Variants in SULF1 observed in about 807,000 individuals in gnomAD.
SULF1 encodes sulfatase 1, also known as extracellular sulfatase Sulf-1.
Under a neutral mutation model 110.5 loss-of-function variants are expected in SULF1, and 46 were observed. That is an observed-to-expected ratio of 0.42 (90% CI 0.33 to 0.53). The LOEUF is 0.53. Among genes scored for constraint, SULF1 ranks in the 20% least tolerant of loss-of-function variants. The pLI, the probability that SULF1 is intolerant of heterozygous loss-of-function variation, is 0.12. For synonymous variants in SULF1, 371 were observed against 387.1 expected (o/e 0.96, Z 0.49); for missense variants, 941 against 1,094.2 (o/e 0.86, Z 1.98).
intron 2 of SULF1, among the ~76,000 whole-genome samples, chr8:69,499,367 C>T (rs771335579): frequency 6.6e-6 from 1 of 152,142 alleles, no homozygotes; most frequent in Non-Finnish European, 1.5e-5. Context: ...CCAGATGATG[C>T]TGTTTTGCTG....
At chr8:69,638,347 G>A (rs1034506592) in intron 19 of SULF1, 155 bp from the exon 20 acceptor site, 89 of 851,934 alleles carry the variant, frequency 1.0e-4, no homozygotes, top group Middle Eastern at 3.5e-4. Context: ...CCTACGGGGG[G>A]AAAGGTATTA....
At chr8:69,529,682 C>T (rs533593712) in intron 3 of SULF1, among the ~76,000 whole-genome samples, 48 of 152,292 alleles carry the variant, frequency 3.2e-4, no homozygotes, top group African/African-American at 1.0e-3. Context: ...AGATGGCTCA[C>T]TCACAAGGCT....
chr8:69,497,557 G>A (rs1810453421), intron 2 of SULF1, among the ~76,000 whole-genome samples: 1 of 152,206 alleles, frequency 6.6e-6, no homozygotes, highest in Admixed American at 6.5e-5. Context: ...CTGTCTAAAT[G>A]TGTGTATGTG....
intron 19 of SULF1, among the ~76,000 whole-genome samples, chr8:69,632,745 C>T (rs1287089020): frequency 4.6e-5 from 7 of 152,124 alleles, no homozygotes; most frequent in African/African-American, 1.4e-4. Flanking sequence ...AATAAAAAGG[C>T]CAAGAACAGC....
intron 13 of SULF1, among the ~76,000 whole-genome samples, chr8:69,609,484 G>A (rs1563582625): frequency 3.3e-5 from 5 of 152,208 alleles, no homozygotes; most frequent in South Asian, 2.1e-4. Context: ...TTTTTAACGA[G>A]GTTAAGAATC....
chr8:69,627,188 A>G (rs1451792272), intron 15 of SULF1, 22 bp from the exon 16 acceptor site: 1 of 1,563,206 alleles, frequency 6.4e-7, no homozygotes, highest in Admixed American at 1.7e-5. Context: ...CCTATTTCAC[A>G]TGGTTTTGGT....
At chr8:69,514,747 G>A (rs1258602465) in intron 3 of SULF1, among the ~76,000 whole-genome samples, 2 of 152,190 alleles carry the variant, frequency 1.3e-5, no homozygotes, top group African/African-American at 2.4e-5. Flanking sequence ...CAGGGTACAG[G>A]TATTGGGTAA....
At chr8:69,645,409 A>G (rs1316147455) in intron 22 of SULF1, among the ~76,000 whole-genome samples, 2 of 152,162 alleles carry the variant, frequency 1.3e-5, no homozygotes, top group African/African-American at 2.4e-5. Flanking sequence ...CAGTTCCAAT[A>G]TATAGGGGGA....
intron 13 of SULF1, among the ~76,000 whole-genome samples, chr8:69,616,083 ATGTGTATATATATACACACATATATGTG>A (rs1380934454): frequency 1.5e-5 from 2 of 135,146 alleles, no homozygotes; most frequent in East Asian, 2.2e-4. Context: ...TGTATATATA[ATGTGTATATATATACACACATATATGTG>A]TGTGTATATA....
At chr8:69,617,427 A>G (rs1002350116) in intron 13 of SULF1, among the ~76,000 whole-genome samples, 6 of 25,160 alleles carry the variant, frequency 2.4e-4, no homozygotes, top group Non-Finnish European at 4.2e-4. Flanking sequence ...ATATATATAT[A>G]TATATATGTT....
At chr8:69,655,957 T>G (rs1812694913) in intron 22 of SULF1, among the ~76,000 whole-genome samples, 1 of 152,210 alleles carries the variant, frequency 6.6e-6, no homozygotes, top group African/African-American at 2.4e-5. Flanking sequence ...CCCTCTATAT[T>G]TTTGCTTCCA....
intron 3 of SULF1, among the ~76,000 whole-genome samples, chr8:69,503,953 C>T (rs1295483197): frequency 6.6e-6 from 1 of 152,024 alleles, no homozygotes; most frequent in Non-Finnish European, 1.5e-5. Flanking sequence ...ACACGTGCCA[C>T]CACGCCTGGT....
intron 17 of SULF1, 44 bp downstream of exon 17, chr8:69,627,910 C>T (rs747766553): frequency 8.2e-6 from 12 of 1,468,354 alleles, no homozygotes; most frequent in Admixed American, 5.2e-5. Flanking sequence ...AATTCATTTC[C>T]GCACAAGCCA....
chr8:69,623,004 T>C (rs1237304277), intron 14 of SULF1, among the ~76,000 whole-genome samples: 1 of 152,184 alleles, frequency 6.6e-6, no homozygotes, highest in African/African-American at 2.4e-5. Flanking sequence ...GCTAGAGCGA[T>C]AAGGCCAGAC....
intron 3 of SULF1, among the ~76,000 whole-genome samples, chr8:69,510,212 A>T (rs74447595): frequency 0.032 from 4,905 of 152,298 alleles, 258 homozygotes; most frequent in African/African-American, 0.11. Context: ...GGCGTTCAAG[A>T]GTTATCACCC....
chr8:69,487,696 T>C (rs1403493434), intron 1 of SULF1, among the ~76,000 whole-genome samples: 2 of 152,204 alleles, frequency 1.3e-5, no homozygotes, highest in Non-Finnish European at 2.9e-5. Flanking sequence ...GGGAGGTGGC[T>C]ACAGCACAGC....
chr8:69,590,135 C>G (rs1323513477), intron 8 of SULF1, among the ~76,000 whole-genome samples: 1 of 152,148 alleles, frequency 6.6e-6, no homozygotes, highest in Non-Finnish European at 1.5e-5. Flanking sequence ...TTGCCGGTCA[C>G]TATACATCCC....
chr8:69,629,616 C>T lies in SULF1; in HGVS notation c.2221C>T (p.Leu741=). ...GCAGAGGAAGGGGGAAGAGTGCAGCCTGCCTGGCCTCACTTGCTTCACGCA... is the reference window on the plus strand; with the variant it reads ...GCAGAGGAAGGGGGAAGAGTGCAGCTTGCCTGGCCTCACTTGCTTCACGCA... ...RRQRKGEECS[L]PGLTCFTHDN... is the part of the protein sequence containing the mutation. Residue 741 remains leucine, a synonymous_variant, in exon 19 of 23, where the codon CTG becomes TTG. Transcript: ENST00000402687. The T allele has an allele frequency of 6.2e-7, 1 of 1,613,828 alleles. No individual in the cohort carries two copies. Among genetic ancestry groups the T allele is most frequent in the Non-Finnish European group, 8.5e-7 (1 of 1,179,878 alleles).
intron 13 of SULF1, among the ~76,000 whole-genome samples, chr8:69,610,636 G>A (rs977824912): frequency 6.6e-6 from 1 of 152,170 alleles, no homozygotes; most frequent in Non-Finnish European, 1.5e-5. Flanking sequence ...GCTCATGTAT[G>A]AACAGTTGTT....
Sources: allele counts gnomAD v4.1 joint callset (sites outside exome capture counted in the v4.1 genomes callset), GRCh38; gene constraint gnomAD v4.1.1; transcripts MANE v1.5; gene names NCBI Gene and HGNC (gene_info 2026-07-23, HGNC 2026-07-21).